PLSCR4: variants seen among roughly 807,000 people sequenced by gnomAD.
PLSCR4 encodes phospholipid scramblase 4.
Under a neutral mutation model 36.3 loss-of-function variants are expected in PLSCR4, and 25 were observed. That is an observed-to-expected ratio of 0.69 (90% CI 0.50 to 0.96). The LOEUF (loss-of-function observed/expected upper bound fraction) is 0.96. Among genes scored for constraint, PLSCR4 ranks in the 40% least tolerant of loss-of-function variants. The pLI is 0.00. For missense variants in PLSCR4, 408 were observed against 414.7 expected, an observed-to-expected ratio of 0.98 and a Z score of 0.14; for synonymous variants, 122 against 132.9, an observed-to-expected ratio of 0.92 and a Z score of 0.56.
At chr3:146,245,323 T>G (rs1396806039) in intron 1 of PLSCR4, among the ~76,000 whole-genome samples, 1 of 152,068 alleles carries the variant, frequency 6.6e-6, no homozygotes, top group African/African-American at 2.4e-5. Flanking sequence ...CATAATACAT[T>G]CAATCAAATG....
chr3:146,220,494 C>G (rs1192537616), intron 3 of PLSCR4, among the ~76,000 whole-genome samples: 4 of 152,118 alleles, frequency 2.6e-5, no homozygotes, highest in African/African-American at 7.2e-5. Flanking sequence ...AAAACTTGAC[C>G]TCCTTAGTCA....
chr3:146,218,033 T>A lies in PLSCR4; in HGVS notation c.118+2782A>T, dbSNP rs371409873. Among the ~76,000 whole-genome samples, 59 of 152,228 alleles carry A rather than the reference T, an allele frequency of 3.9e-4. 5 individuals are homozygous for A. In the South Asian group the frequency reaches 8.9e-3, roughly 23 times the overall value. On this transcript the variant is annotated intron_variant, in intron 3 of 8. Transcript: ENST00000354952. ...GACCAAATAATTTTGAGAACAGCAC[T>A]TTTTAAGAGTAGGGACACAGTTTTT...
intron 1 of PLSCR4, among the ~76,000 whole-genome samples, chr3:146,244,010 C>T (rs115505549): frequency 0.017 from 2,557 of 152,206 alleles, 76 homozygotes; most frequent in African/African-American, 0.058. Context: ...ACCCTGAACG[C>T]ATTCTCTTTT....
At chr3:146,231,958 A>C (rs2035732107) in intron 1 of PLSCR4, among the ~76,000 whole-genome samples, 1 of 152,012 alleles carries the variant, frequency 6.6e-6, no homozygotes, top group East Asian at 1.9e-4. Flanking sequence ...GGTATGTCCT[A>C]GGTTTTCTTC....
Position 146,206,768 on chromosome 3 carries a change from T to A in PLSCR4, c.119-7A>T. 1.3e-6 allele frequency: 2 copies of A among 1,519,170 alleles called. No homozygotes were observed. The highest frequency in any genetic ancestry group is 1.8e-6 in the Non-Finnish European group (2 of 1,115,296). The allele number at this position is 1,519,170 out of a possible 1,614,324, so 94.1% of individuals were successfully genotyped here. On this transcript the variant is annotated splice_polypyrimidine_tract_variant and splice_region_variant and intron_variant, in intron 3 of 8. Coordinates refer to ENST00000354952, the MANE Select transcript of PLSCR4 (RefSeq NM_020353.3). ...ACAGCTGTTCCAGGGGGTCCTGTGT[T>A]CAAAAGAAATCAAAGTGTTATATAT...
At chr3:146,233,181 G>A (rs1282404929) in intron 1 of PLSCR4, among the ~76,000 whole-genome samples, 2 of 151,660 alleles carry the variant, frequency 1.3e-5, no homozygotes, top group Non-Finnish European at 2.9e-5. Flanking sequence ...TTATTTCATT[G>A]TTCTGCTAAT....
At chr3:146,235,095 T>C (rs1319939505) in intron 1 of PLSCR4, among the ~76,000 whole-genome samples, 1 of 151,438 alleles carries the variant, frequency 6.6e-6, no homozygotes, top group Non-Finnish European at 1.5e-5. Context: ...AATATAGAAT[T>C]ATAGTTCAGA....
chr3:146,229,453 A>G (rs1165186026), intron 1 of PLSCR4, among the ~76,000 whole-genome samples: 1 of 151,940 alleles, frequency 6.6e-6, no homozygotes, highest in Non-Finnish European at 1.5e-5. Context: ...TGGTTGGTAA[A>G]CACATCAATG....
Position 146,195,132 on chromosome 3 carries a change from A to G in PLSCR4, c.937T>C (p.Phe313Leu), listed in dbSNP as rs146882263. ...KMKAMIFGAC[F>L]LIDFMYFERS... ...AAAAATAGAAGGCTTACAATGAGGA[A>G]GCAAGCTCCAAAAATCATGGCTTTC... Residue 313 changes from phenylalanine (F) to leucine (L), a missense_variant, in exon 8 of 9, where the codon TTC becomes CTC. Transcript: ENST00000354952. 421 of 1,613,788 alleles carry G rather than the reference A, an allele frequency of 2.6e-4. 2 individuals carry two copies. The African/African-American group carries it at 4.8e-3, about 18-fold the overall frequency.
intron 3 of PLSCR4, among the ~76,000 whole-genome samples, chr3:146,209,254 G>A (rs759747467): frequency 2.0e-5 from 3 of 151,924 alleles, no homozygotes; most frequent in Non-Finnish European, 4.4e-5. Context: ...TGGACTTTGG[G>A]GGCTCAGGGG....
chr3:146,204,343 A>C (rs1218525448), intron 4 of PLSCR4, among the ~76,000 whole-genome samples: 1 of 152,034 alleles, frequency 6.6e-6, no homozygotes, highest in African/African-American at 2.4e-5. Context: ...ATTTAAGCTA[A>C]TAACAGCCAC....
chr3:146,213,666 G>GA (rs1445118210), intron 3 of PLSCR4, among the ~76,000 whole-genome samples: 1 of 152,004 alleles, frequency 6.6e-6, no homozygotes, highest in African/African-American at 2.4e-5. Flanking sequence ...TTATTTTGTG[G>GA]AAAAGTTTTA....
chr3:146,198,325 A>T (rs1370497211), intron 6 of PLSCR4, among the ~76,000 whole-genome samples: 1 of 152,176 alleles, frequency 6.6e-6, no homozygotes. Flanking sequence ...ACACAAATTA[A>T]TACAAGTAAA....
rs1358948406 is a variant in PLSCR4 at position 146,240,889 on chromosome 3, T to A, written c.-22+10071A>T. On this transcript the variant is annotated intron_variant, in intron 1 of 8. Coordinates refer to ENST00000354952, the MANE Select transcript of PLSCR4 (RefSeq NM_020353.3). ...GAAAATAAATGCCTTCACAAAAACA[T>A]GTTCATAATAGCATTACACATAATA... is the stretch of plus-strand genomic sequence containing the variant. Among the ~76,000 whole-genome samples the A allele has an allele frequency of 2.0e-5, 3 of 152,188 alleles. No homozygotes were observed. The East Asian group carries it at 5.8e-4, about 29-fold the overall frequency.
chr3:146,227,608 C>G (rs10935611), intron 1 of PLSCR4, among the ~76,000 whole-genome samples: 116,248 of 152,070 alleles, frequency 0.76, 44,546 homozygotes, highest in South Asian at 0.81. Context: ...CAAAACTCAA[C>G]AGGATTAGCT....
chr3:146,240,959 G>C (rs189395344), intron 1 of PLSCR4, among the ~76,000 whole-genome samples: 32 of 152,148 alleles, frequency 2.1e-4, no homozygotes, highest in African/African-American at 7.2e-4. Context: ...TCGGTAAACT[G>C]ATCAATTTTT....
rs111678976 is a variant in PLSCR4 at position 146,224,682 on chromosome 3, C to T, written c.-21-2590G>A. Among the ~76,000 whole-genome samples the T allele has an allele frequency of 4.7e-3, 719 of 152,040 alleles. 1 individual carries two copies. The highest frequency in any genetic ancestry group is 0.01 in the Middle Eastern group (3 of 294). On this transcript the variant is annotated intron_variant, in intron 1 of 8. Transcript: ENST00000354952. ...AGCTTCCACAGTGTGGAAGGGGACC[C>T]GAGCGGGTTGCCAATGCTGGCTCGG...
intron 1 of PLSCR4, among the ~76,000 whole-genome samples, chr3:146,232,366 AT>A (rs1412355516): frequency 4.6e-5 from 7 of 152,108 alleles, no homozygotes; most frequent in Non-Finnish European, 1.5e-5. Flanking sequence ...TATCTTTCTA[AT>A]TCTGTGAAAA....
intron 3 of PLSCR4, among the ~76,000 whole-genome samples, chr3:146,208,668 A>G (rs1384118564): frequency 3.3e-5 from 5 of 152,206 alleles, no homozygotes; most frequent in African/African-American, 9.6e-5. Flanking sequence ...AAAAATACTC[A>G]GCATCACTAA....
Sources: gnomAD v4.1 joint callset for allele counts (sites outside exome capture counted in the v4.1 genomes callset) on GRCh38, gnomAD v4.1.1 for gene constraint, MANE v1.5 for transcripts, NCBI Gene and HGNC (gene_info 2026-07-23, HGNC 2026-07-21) for gene names.